Variants in NAE1 observed in about 807,000 individuals in gnomAD.
NAE1 encodes the protein NEDD8 activating enzyme E1 subunit 1, also known as NEDD8-activating enzyme E1 regulatory subunit.
In NAE1, 59 loss-of-function variants were observed where a neutral mutation model predicts 88.0. That is an observed-to-expected ratio of 0.67 (90% CI 0.54 to 0.83). The LOEUF is 0.83. NAE1 is among the 40% of genes least tolerant of loss of function. The probability of loss-of-function intolerance (pLI) is 0.00; values close to 1 mark genes in which losing one functional copy is unlikely to be tolerated. For missense variants in NAE1, 554 were observed against 632.8 expected (o/e 0.88, Z 1.34); for synonymous variants, 186 against 208.9 (o/e 0.89, Z 0.95).
At chr16:66,816,107 G>C (rs1960035219) in intron 11 of NAE1, among the ~76,000 whole-genome samples, 1 of 152,158 alleles carries the variant, frequency 6.6e-6, no homozygotes, top group African/African-American at 2.4e-5. Flanking sequence ...TAAACTACCA[G>C]GTGTTATTCC....
chr16:66,825,572 T>C (rs372359717), intron 3 of NAE1, among the ~76,000 whole-genome samples: 6 of 152,294 alleles, frequency 3.9e-5, no homozygotes, highest in East Asian at 1.9e-4. Flanking sequence ...ATTTGATCCA[T>C]TTCCCAAACT....
At chr16:66,829,784 C>A (rs867443066) in intron 1 of NAE1, among the ~76,000 whole-genome samples, 4 of 152,324 alleles carry the variant, frequency 2.6e-5, no homozygotes, top group Middle Eastern at 3.4e-3. Flanking sequence ...CCTGCACTGT[C>A]CATTAAGGTA....
chr16:66,825,797 C>T (rs945981327), intron 3 of NAE1, among the ~76,000 whole-genome samples: 1 of 152,146 alleles, frequency 6.6e-6, no homozygotes, highest in African/African-American at 2.4e-5. Flanking sequence ...TCGGTATAAG[C>T]TCACTGGCTC....
chr16:66,830,229 G>A (rs2145362919), intron 1 of NAE1, among the ~76,000 whole-genome samples: 1 of 151,898 alleles, frequency 6.6e-6, no homozygotes, highest in African/African-American at 2.4e-5. Flanking sequence ...GACCAGCTTG[G>A]GGAAAGGTGG....
intron 19 of NAE1, 172 bp downstream of exon 19, chr16:66,805,605 T>C (rs560092823): frequency 1.2e-4 from 59 of 503,776 alleles, no homozygotes; most frequent in Admixed American, 2.7e-4. Context: ...ATCAATACAC[T>C]CCAACCTGGG....
At chr16:66,804,887 A>G (rs1959501984) in intron 19 of NAE1, among the ~76,000 whole-genome samples, 1 of 152,020 alleles carries the variant, frequency 6.6e-6, no homozygotes, top group African/African-American at 2.4e-5. Flanking sequence ...ACCAGACCTG[A>G]CCATGCTGGC....
intron 1 of NAE1, chr16:66,828,092 T>C (rs372182726): frequency 6.3e-7 from 1 of 1,599,118 alleles, no homozygotes. Context: ...AAGAACCAGA[T>C]GGACCGTAAA....
At chr16:66,805,510 A>T in intron 19 of NAE1, 1 of 352,546 alleles carries the variant, frequency 2.8e-6, no homozygotes, top group East Asian at 4.1e-5. Context: ...TTACTGGCAC[A>T]TGCCTGTAGT....
chr16:66,813,552 A>C lies in NAE1; in HGVS notation c.1034+12T>G, dbSNP rs1959908458. 6.3e-7 allele frequency: 1 copy of C among 1,597,192 alleles called. No individual in the cohort carries two copies. Among genetic ancestry groups the C allele is most frequent in the African/African-American group, 1.3e-5 (1 of 74,080 alleles). ...ACTTTTTCTATTACATAGTTTGAAA[A>C]CAGTGACATACACGTTTTGCAGTTT... On this transcript the variant is annotated intron_variant, in intron 13 of 19. Transcript: ENST00000290810.
At chr16:66,815,075 T>C (rs1343917354) in intron 11 of NAE1, among the ~76,000 whole-genome samples, 1 of 152,172 alleles carries the variant, frequency 6.6e-6, no homozygotes, top group Non-Finnish European at 1.5e-5. Context: ...TATGTACAAT[T>C]GTCTCTCAAC....
chr16:66,806,507 C>T (rs1415549936), intron 17 of NAE1, among the ~76,000 whole-genome samples: 1 of 152,058 alleles, frequency 6.6e-6, no homozygotes, highest in Non-Finnish European at 1.5e-5. Context: ...TCACCGCAAC[C>T]TCTGCCTGCC....
rs374734901 is a variant in NAE1, at chr16:66,830,935, T to C, written c.-36A>G. On this transcript the variant is annotated 5_prime_UTR_variant, in exon 1 of 20. Transcript: ENST00000290810. ...GCCGCGCGGAAAACAGCCGAGCCCC[T>C]GCGGAGCGCCGCCACCAGCTCCACA... 10 of 1,498,374 alleles carry C rather than the reference T, an allele frequency of 6.7e-6. No homozygotes were observed. The highest frequency in any genetic ancestry group is 2.8e-5 in the East Asian group (1 of 35,736). 92.8% of individuals were successfully genotyped at this position (1,498,374 alleles called of 1,614,324 possible).
At chr16:66,823,502 G>A (rs1355332275) in intron 5 of NAE1, 27 bp downstream of exon 5, 4 of 1,552,868 alleles carry the variant, frequency 2.6e-6, no homozygotes, top group Non-Finnish European at 3.5e-6. Flanking sequence ...TTTCAGCACA[G>A]ACATAATAAT....
intron 1 of NAE1, chr16:66,828,006 A>T (rs1960532904): frequency 6.2e-7 from 1 of 1,613,702 alleles, no homozygotes; most frequent in African/African-American, 1.3e-5. Flanking sequence ...TTGTTTGCTG[A>T]GCATCCATCT....
chr16:66,803,057 A>C lies in NAE1; in HGVS notation c.1557T>G (p.Thr519=). 1 of 1,612,814 alleles carries C rather than the reference A, an allele frequency of 6.2e-7. No homozygotes were observed. Among genetic ancestry groups the C allele is most frequent in the South Asian group, 1.1e-5 (1 of 91,040 alleles). ...TTTGTGACATGCCACTGTAAATGTA[A>C]GTATTATTAAAAATTACAAATTGTT... ...ITKQFVIFNN[T]YIYSGMSQTS... is the part of the protein sequence containing the mutation. Residue 519 remains threonine (T), a synonymous_variant, in exon 20 of 20, where the codon ACT becomes ACG. Transcript: ENST00000290810.
At chr16:66,829,515 T>C (rs187864368) in intron 1 of NAE1, among the ~76,000 whole-genome samples, 4 of 152,286 alleles carry the variant, frequency 2.6e-5, no homozygotes, top group East Asian at 1.9e-4. Context: ...CAGGAAATGG[T>C]TGCTTTCAAG....
At chr16:66,820,266 T>C (rs1205697665) in intron 7 of NAE1, among the ~76,000 whole-genome samples, 1 of 152,240 alleles carries the variant, frequency 6.6e-6, no homozygotes, top group East Asian at 1.9e-4. Context: ...GAATACTGGA[T>C]GAAAATTTTA....
At chr16:66,807,458 G>A (rs1019347152) in intron 17 of NAE1, among the ~76,000 whole-genome samples, 6 of 151,932 alleles carry the variant, frequency 3.9e-5, no homozygotes, top group Admixed American at 3.3e-4. Flanking sequence ...TGGCCAACAC[G>A]GAGAAACCCT....
chr16:66,828,002 G>A, intron 1 of NAE1: 4 of 1,613,712 alleles, frequency 2.5e-6, no homozygotes, highest in Non-Finnish European at 3.4e-6. Context: ...GTTTTTGTTT[G>A]CTGAGCATCC....
Sources: allele counts gnomAD v4.1 joint callset (sites outside exome capture counted in the v4.1 genomes callset), GRCh38; gene constraint gnomAD v4.1.1; transcripts MANE v1.5; gene names NCBI Gene and HGNC (gene_info 2026-07-23, HGNC 2026-07-21).